Variants in SEC14L5 observed in about 807,000 individuals in gnomAD.
SEC14L5 encodes SEC14 like lipid binding 5.
In SEC14L5, 96 loss-of-function variants were observed where a neutral mutation model predicts 84.6. That is an observed-to-expected ratio of 1.13 (90% confidence interval 0.96 to 1.34). The LOEUF is 1.34. Among genes scored for constraint, SEC14L5 ranks in the 40% most tolerant of loss-of-function variants. The pLI is 0.00. For missense variants in SEC14L5, 1,224 were observed against 942.5 expected, an observed-to-expected ratio of 1.30 and a Z score of -3.91; for synonymous variants, 546 against 383.4, an observed-to-expected ratio of 1.42 and a Z score of -4.95.
At position 4,961,081 on chromosome 16, in the gene SEC14L5, G is replaced by A. The variant is rs190519926; in HGVS notation, c.63+1695G>A. Among the ~76,000 whole-genome samples, 227 of 152,218 alleles carry A rather than the reference G, an allele frequency of 1.5e-3. 2 individuals carry two copies. Among genetic ancestry groups the A allele is most frequent in the African/African-American group, 5.3e-3 (221 of 41,536 alleles). On this transcript the variant is annotated intron_variant, in intron 2 of 15. Transcript: ENST00000251170. ...GGTCAGGAGATCAAGACAATCCCGT[G>A]TAACACGGTGAAACCCCAACTCAAC...
chr16:5,001,340 G>A (rs1291826112), intron 10 of SEC14L5, among the ~76,000 whole-genome samples: 1 of 148,916 alleles, frequency 6.7e-6, no homozygotes, highest in African/African-American at 2.5e-5. Flanking sequence ...TTCACTGCAA[G>A]CTCTGCCTTC....
At chr16:4,971,005 G>T (rs1955270600) in intron 2 of SEC14L5, among the ~76,000 whole-genome samples, 1 of 151,954 alleles carries the variant, frequency 6.6e-6, no homozygotes, top group South Asian at 2.1e-4. Context: ...CTACGCGGGG[G>T]GCTGAGGCAG....
At chr16:4,978,927 G>C (rs962309548) in intron 2 of SEC14L5, among the ~76,000 whole-genome samples, 5 of 152,072 alleles carry the variant, frequency 3.3e-5, no homozygotes, top group African/African-American at 4.8e-5. Context: ...GTAGAGATGA[G>C]GTCTCACTAT....
At chr16:5,009,332 G>T (rs969551481) in intron 14 of SEC14L5, among the ~76,000 whole-genome samples, 1 of 151,968 alleles carries the variant, frequency 6.6e-6, no homozygotes, top group Non-Finnish European at 1.5e-5. Flanking sequence ...TTGAGACAGG[G>T]TCTCACTCTA....
chr16:4,982,257 A>C (rs564852953), intron 2 of SEC14L5, among the ~76,000 whole-genome samples: 1 of 151,814 alleles, frequency 6.6e-6, no homozygotes, highest in East Asian at 1.9e-4. Flanking sequence ...GGGAAGGGGG[A>C]GGAGGTGTCT....
At chr16:5,007,635 T>G in intron 13 of SEC14L5, 149 bp downstream of exon 13, 1 of 721,532 alleles carries the variant, frequency 1.4e-6, no homozygotes, top group Non-Finnish European at 2.2e-6. Context: ...GGATGGAGTC[T>G]CGCTCTGTTG....
chr16:5,018,982 TC>T lies in SEC14L5; in HGVS notation c.*4013del, dbSNP rs1955904286. 1 of 152,204 alleles carries T rather than the reference TC, an allele frequency of 6.6e-6. No individual in the cohort carries two copies. Among genetic ancestry groups the T allele is most frequent in the African/African-American group, 2.4e-5 (1 of 41,458 alleles). 9.4% of individuals were successfully genotyped at this position (152,204 alleles called of 1,614,324 possible). Reference sequence around the variant, plus strand: ...TGTTTTCCATTTGGATAAACTTGCATCGTCAGCTTCCTAAAACCCTGGAGGT... The same window carrying T: ...TGTTTTCCATTTGGATAAACTTGCATGTCAGCTTCCTAAAACCCTGGAGGT... On this transcript the variant is annotated 3_prime_UTR_variant, in exon 16 of 16. Transcript: ENST00000251170.
intron 10 of SEC14L5, among the ~76,000 whole-genome samples, chr16:5,002,888 T>G (rs12444698): frequency 0.26 from 38,904 of 152,166 alleles, 5,844 homozygotes; most frequent in Admixed American, 0.37. Context: ...TTTCAACAAT[T>G]AACTCATTTA....
chr16:4,974,187 A>G (rs1378453894), intron 2 of SEC14L5, among the ~76,000 whole-genome samples: 1 of 152,092 alleles, frequency 6.6e-6, no homozygotes, highest in African/African-American at 2.4e-5. Flanking sequence ...AAGTTCATGA[A>G]TGTACTGAAT....
At chr16:4,959,608 G>C (rs1955094396) in intron 2 of SEC14L5, among the ~76,000 whole-genome samples, 2 of 152,064 alleles carry the variant, frequency 1.3e-5, no homozygotes, top group South Asian at 4.1e-4. Flanking sequence ...CCTTCTCCTT[G>C]TTGAAGCTGA....
chr16:5,011,358 G>C, intron 15 of SEC14L5, 85 bp downstream of exon 15: 1 of 1,383,504 alleles, frequency 7.2e-7, no homozygotes, highest in Non-Finnish European at 9.9e-7. Context: ...CTGTCTCCCA[G>C]CTGGGTCAGC....
chr16:5,008,203 A>G (rs1421877041), intron 13 of SEC14L5, among the ~76,000 whole-genome samples: 1 of 152,134 alleles, frequency 6.6e-6, no homozygotes, highest in Non-Finnish European at 1.5e-5. Context: ...GGCATGAGCC[A>G]CCAAGCCTGG....
Position 5,007,475 on chromosome 16 carries a change from G to C in SEC14L5, c.1561G>C (p.Ala521Pro). The C allele has an allele frequency of 6.2e-7, 1 of 1,613,444 alleles. No individual in the cohort carries two copies. Among genetic ancestry groups the C allele is most frequent in the Non-Finnish European group, 8.5e-7 (1 of 1,179,800 alleles). The part of the protein sequence containing the change: ...TYHSASVLRG[A>P]PHEVAVEILE... ...CCATTCAGCCAGCGTGCTCCGCGGA[G>C]CCCCCCACGAGGTGCCAGGGCCTGG... is the stretch of plus-strand genomic sequence containing the variant. The change falls in exon 13 of 16, where the codon GCC becomes CCC. Residue 521 changes from alanine to proline, a missense_variant. Transcript: ENST00000251170.
At chr16:4,962,738 G>C (rs1369269691) in intron 2 of SEC14L5, among the ~76,000 whole-genome samples, 2 of 147,068 alleles carry the variant, frequency 1.4e-5, no homozygotes, top group Non-Finnish European at 3.0e-5. Context: ...GTTAATTTAA[G>C]TCATTTGTAT....
At chr16:4,958,828 GTGTGTA>G (rs1955084968) in intron 1 of SEC14L5, among the ~76,000 whole-genome samples, 1 of 152,174 alleles carries the variant, frequency 6.6e-6, no homozygotes, top group Non-Finnish European at 1.5e-5. Context: ...TGAAGGCTGT[GTGTGTA>G]TGTCAGGGTG....
intron 2 of SEC14L5, among the ~76,000 whole-genome samples, chr16:4,965,766 T>G (rs1308080313): frequency 6.8e-6 from 1 of 146,994 alleles, no homozygotes; most frequent in Middle Eastern, 3.8e-3. Context: ...TTAAGGCCAG[T>G]TGTGGTGGCT....
chr16:4,987,955 G>C (rs1001491788), intron 3 of SEC14L5, among the ~76,000 whole-genome samples, 194 bp from the exon 4 acceptor site: 3 of 152,248 alleles, frequency 2.0e-5, no homozygotes, highest in East Asian at 3.9e-4. Context: ...GCCGGAGCTG[G>C]GTGGTGAAGA....
At chr16:4,987,499 G>C in intron 2 of SEC14L5, 58 bp from the exon 3 acceptor site, 2 of 1,298,418 alleles carry the variant, frequency 1.5e-6, no homozygotes, top group Admixed American at 2.6e-5. Context: ...GGTCGCGCTG[G>C]GGGGGGGGGT....
chr16:4,982,206 C>T (rs372924351), intron 2 of SEC14L5, among the ~76,000 whole-genome samples: 3 of 152,068 alleles, frequency 2.0e-5, no homozygotes, highest in South Asian at 2.1e-4. Flanking sequence ...ATTTCTTCCT[C>T]GGCCCCCCCC....
Sources: allele counts gnomAD v4.1 joint callset (sites outside exome capture counted in the v4.1 genomes callset), GRCh38; gene constraint gnomAD v4.1.1; transcripts MANE v1.5; gene names NCBI Gene and HGNC (gene_info 2026-07-23, HGNC 2026-07-21).